The following AKT3 variants were observed in gnomAD, a reference collection of about 807,000 sequenced individuals.
The protein encoded by AKT3 is AKT serine/threonine kinase 3.
In AKT3, 15 loss-of-function variants were observed where a neutral mutation model predicts 65.3. That is an observed-to-expected ratio of 0.23 (90% CI 0.15 to 0.35). The LOEUF (loss-of-function observed/expected upper bound fraction) is 0.35. AKT3 is among the 10% of genes least tolerant of loss of function. The pLI is 1.00. For synonymous variants in AKT3, 206 were observed against 183.8 expected (o/e 1.12, Z -0.98); for missense variants, 243 against 576.5 (o/e 0.42, Z 5.92).
chr1:243,503,516 C>T lies in AKT3; in HGVS notation c.*1733G>A, dbSNP rs529091593. On this transcript the variant is annotated 3_prime_UTR_variant, in exon 14 of 14. Coordinates refer to ENST00000673466, the MANE Select transcript of AKT3 (RefSeq NM_005465.7). ...CGGAGTAGGATGGCCTTCTGCTTGC[C>T]GCAAGAGTGGCCCCCAGCCCCTAGG... 4.6e-4 allele frequency: 107 copies of T among 233,128 alleles called. No individual in the cohort carries two copies. The highest frequency in any genetic ancestry group is 2.0e-4 in the Non-Finnish European group (23 of 117,826). The allele number at this position is 233,128 out of a possible 1,614,324, so 14.4% of individuals were successfully genotyped here.
intron 12 of AKT3, among the ~76,000 whole-genome samples, chr1:243,535,175 A>ATTTTAAAATATATTTAAAT (rs1387294681): frequency 3.1e-5 from 4 of 130,962 alleles, no homozygotes; most frequent in Non-Finnish European, 6.0e-5. Flanking sequence ...TATATTTAAA[A>ATTTTAAAATATATTTAAAT]TTTTAAAATA....
intron 2 of AKT3, among the ~76,000 whole-genome samples, chr1:243,765,794 C>G (rs1370470391): frequency 6.6e-6 from 1 of 152,142 alleles, no homozygotes. Flanking sequence ...CTCCTCAGGC[C>G]GAAGTAAACG....
intron 8 of AKT3, among the ~76,000 whole-genome samples, chr1:243,585,661 T>C (rs939016145): frequency 2.6e-5 from 4 of 152,140 alleles, no homozygotes; most frequent in African/African-American, 9.7e-5. Flanking sequence ...ATTCAATATA[T>C]GGTGCTTCGA....
chr1:243,637,959 T>A (rs1680096465), intron 5 of AKT3, among the ~76,000 whole-genome samples: 1 of 152,110 alleles, frequency 6.6e-6, no homozygotes, highest in Non-Finnish European at 1.5e-5. Flanking sequence ...AGAAAATGAT[T>A]TTGAACCTAG....
intron 2 of AKT3, among the ~76,000 whole-genome samples, chr1:243,754,033 T>G (rs1276479344): frequency 6.6e-6 from 1 of 152,172 alleles, no homozygotes; most frequent in Non-Finnish European, 1.5e-5. Context: ...GTAGATTATG[T>G]ACAATTTGCC....
At chr1:243,488,885 C>T (rs1665681629) in intron 13 of AKT3, 2 of 1,340,524 alleles carry the variant, frequency 1.5e-6, no homozygotes, top group Non-Finnish European at 2.1e-6. Flanking sequence ...GAGCCTGGCA[C>T]CTCAGGGTCA....
chr1:243,758,940 T>C (rs1689317927), intron 2 of AKT3, among the ~76,000 whole-genome samples: 1 of 152,132 alleles, frequency 6.6e-6, no homozygotes, highest in African/African-American at 2.4e-5. Flanking sequence ...CTTTTACTGA[T>C]ATGGGACGCT....
chr1:243,626,353 G>C (rs1161633150), intron 6 of AKT3, among the ~76,000 whole-genome samples: 1 of 152,154 alleles, frequency 6.6e-6, no homozygotes, highest in African/African-American at 2.4e-5. Flanking sequence ...TTAACACAAA[G>C]GTCTTAATGC....
At chr1:243,592,321 C>G (rs1452251171) in intron 8 of AKT3, among the ~76,000 whole-genome samples, 1 of 150,676 alleles carries the variant, frequency 6.6e-6, no homozygotes, top group Non-Finnish European at 1.5e-5. Context: ...GGCGACAGAG[C>G]GAGACTCCGT....
At chr1:243,621,297 C>T (rs888839135) in intron 6 of AKT3, among the ~76,000 whole-genome samples, 8 of 152,162 alleles carry the variant, frequency 5.3e-5, no homozygotes, top group Non-Finnish European at 1.0e-4. Context: ...AGAAGAGAAG[C>T]CATAAACGTA....
chr1:243,514,051 C>T (rs954910234), intron 12 of AKT3, among the ~76,000 whole-genome samples: 4 of 152,026 alleles, frequency 2.6e-5, no homozygotes, highest in African/African-American at 9.7e-5. Context: ...GGGTAATTGC[C>T]CCTATCTGGC....
chr1:243,536,319 A>C (rs1481911673), intron 12 of AKT3, among the ~76,000 whole-genome samples: 1 of 151,998 alleles, frequency 6.6e-6, no homozygotes, highest in Admixed American at 6.6e-5. Context: ...CTCCGGAAGA[A>C]TTTTTCATAG....
chr1:243,685,566 G>A (rs953193688), intron 3 of AKT3, among the ~76,000 whole-genome samples: 1 of 152,158 alleles, frequency 6.6e-6, no homozygotes. Flanking sequence ...GTAGCACGCT[G>A]TTTTTGTTAC....
chr1:243,600,910 CAG>C, intron 8 of AKT3, among the ~76,000 whole-genome samples: 1 of 152,126 alleles, frequency 6.6e-6, no homozygotes, highest in African/African-American at 2.4e-5. Context: ...GAAAGCCTAT[CAG>C]TGGTTTTCAG....
At chr1:243,613,602 A>G in intron 8 of AKT3, 69 bp downstream of exon 8, 1 of 1,242,750 alleles carries the variant, frequency 8.0e-7, no homozygotes, top group Non-Finnish European at 1.1e-6. Context: ...TGTAACTTGT[A>G]TTTTAAGTAA....
At chr1:243,496,005 GAAAA>G (rs1214946919), downstream of AKT3, among the ~76,000 whole-genome samples, 1 of 152,126 alleles carries the variant, frequency 6.6e-6, no homozygotes, top group East Asian at 1.9e-4. Flanking sequence ...TTCTGGCAGA[GAAAA>G]AGAAAGAACC....
chr1:243,715,743 A>T (rs1686473747), intron 2 of AKT3, among the ~76,000 whole-genome samples: 1 of 152,128 alleles, frequency 6.6e-6, no homozygotes. Flanking sequence ...AACAGGTTCA[A>T]AGGTGTTACC....
chr1:243,831,529 G>A (rs1198952101), intron 2 of AKT3, among the ~76,000 whole-genome samples: 1 of 152,102 alleles, frequency 6.6e-6, no homozygotes, highest in African/African-American at 2.4e-5. Flanking sequence ...GTAGGTGCAG[G>A]GCTATCACAC....
chr1:243,556,481 C>G (rs1438151727), intron 10 of AKT3, among the ~76,000 whole-genome samples: 2 of 152,024 alleles, frequency 1.3e-5, no homozygotes, highest in African/African-American at 2.4e-5. Context: ...GCTTGCCCAC[C>G]AGGCCACACA....
Sources: gnomAD v4.1 joint callset for allele counts (sites outside exome capture counted in the v4.1 genomes callset) on GRCh38, gnomAD v4.1.1 for gene constraint, MANE v1.5 for transcripts, NCBI Gene and HGNC (gene_info 2026-07-23, HGNC 2026-07-21) for gene names.